The following POTEE variants were observed in gnomAD, a reference collection of about 807,000 sequenced individuals.
POTEE encodes ANKRD26-like family C member 1A.
In POTEE, 21 loss-of-function variants were observed where a neutral mutation model predicts 74.2. The ratio of observed to expected loss-of-function variants is 0.28; its 90% CI spans 0.20 to 0.41. The LOEUF (loss-of-function observed/expected upper bound fraction) is 0.41, where lower values mean the gene tolerates loss of function less well. Among genes scored for constraint, POTEE ranks in the 10% least tolerant of loss-of-function variants. The probability of loss-of-function intolerance (pLI) is 1.00; values close to 1 mark genes in which losing one functional copy is unlikely to be tolerated. For synonymous variants in POTEE, 211 were observed against 432.8 expected (o/e 0.49, Z 6.36); for missense variants, 525 against 1,158.6 (o/e 0.45, Z 7.94).
In POTEE at chr2:131,228,745, C is replaced by T. The variant is rs1446785909; in HGVS notation, c.1055+364C>T. 3.4e-5 allele frequency among the ~76,000 whole-genome samples: 5 copies of T among 147,166 alleles called. 1 individual carries two copies. The highest frequency in any genetic ancestry group is 4.2e-4 in the South Asian group (2 of 4,796). On this transcript the variant is annotated intron_variant, in intron 8 of 17. Coordinates refer to ENST00000683005, the MANE Select transcript of POTEE (RefSeq NM_001083538.3). ...AGTTTAGCGGAAAGTCTTGTACTGT[C>T]TTCTGGGGACTATGTCCTACATACT...
At chr2:131,262,029 C>T (rs1400332336) in intron 17 of POTEE, among the ~76,000 whole-genome samples, 183 bp downstream of exon 17, 809 of 106,860 alleles carry the variant, frequency 7.6e-3, no homozygotes, top group Non-Finnish European at 0.014. Flanking sequence ...CTTCATTTGC[C>T]TGCAACAGTT....
rs1233770297 is a variant in POTEE, at chr2:131,264,892, A to G, written c.*209A>G. Reference sequence around the variant, plus strand: ...TCCTCCAAAGTTCTACAATGTTGCCAAGGACTTTGATTGTACATTGTTCTT... The same window carrying G: ...TCCTCCAAAGTTCTACAATGTTGCCGAGGACTTTGATTGTACATTGTTCTT... On this transcript the variant is annotated 3_prime_UTR_variant, in exon 18 of 18. Coordinates refer to ENST00000683005, the MANE Select transcript of POTEE (RefSeq NM_001083538.3). 1.3e-5 allele frequency: 13 copies of G among 1,004,698 alleles called. No homozygotes were observed. Among genetic ancestry groups the G allele is most frequent in the Admixed American group, 5.6e-5 (2 of 35,764 alleles). 62.2% of individuals were successfully genotyped at this position (1,004,698 alleles called of 1,614,324 possible).
chr2:131,237,299 T>C (rs1362002534), intron 10 of POTEE, among the ~76,000 whole-genome samples: 8 of 151,822 alleles, frequency 5.3e-5, no homozygotes, highest in African/African-American at 1.9e-4. Flanking sequence ...TGGCCAGTGA[T>C]TGAAAATCTG....
At chr2:131,229,878 G>C (rs1049953463) in intron 8 of POTEE, among the ~76,000 whole-genome samples, 3 of 152,070 alleles carry the variant, frequency 2.0e-5, no homozygotes, top group East Asian at 3.9e-4. Flanking sequence ...TAACATGTTC[G>C]GTGCAAAATA....
In POTEE at chr2:131,258,817, CAT is replaced by C. The variant is rs1330799763; in HGVS notation, c.1779-2908_1779-2907del. ...TGGCTTTGTGTTTCTATGCAAATCT[CAT>C]GTCAAATTGTAATTCCCAGGTGTTG... On this transcript the variant is annotated intron_variant, in intron 16 of 17. Transcript: ENST00000683005. Among the ~76,000 whole-genome samples the C allele has an allele frequency of 8.3e-3, 201 of 24,084 alleles. 2 individuals are homozygous for C. The highest frequency in any genetic ancestry group is 0.027 in the African/African-American group (196 of 7,194). 15.8% of individuals were successfully genotyped at this position (24,084 alleles called of 152,430 possible). A position where few individuals can be genotyped will look rare whatever the true frequency, so the allele number is the denominator to read the frequency against.
chr2:131,219,749 A>C (rs1700558175), intron 4 of POTEE, among the ~76,000 whole-genome samples: 1 of 152,012 alleles, frequency 6.6e-6, no homozygotes, highest in Non-Finnish European at 1.5e-5. Context: ...AAAAAAAAAA[A>C]AAAGATGGGA....
intron 3 of POTEE, chr2:131,218,105 C>T (rs961550452): frequency 1.3e-5 from 7 of 535,266 alleles, no homozygotes; most frequent in African/African-American, 7.7e-5. Flanking sequence ...TTTGGCATTC[C>T]CTTGGGTGGG....
At chr2:131,257,188 GTC>G (rs1701602470) in intron 16 of POTEE, among the ~76,000 whole-genome samples, 1 of 96,758 alleles carries the variant, frequency 1.0e-5, no homozygotes, top group Admixed American at 1.1e-4. Flanking sequence ...TGCCGTATCT[GTC>G]TGTTGTTATT....
intron 9 of POTEE, among the ~76,000 whole-genome samples, chr2:131,235,233 G>A (rs1418722732): frequency 6.7e-6 from 1 of 149,198 alleles, no homozygotes; most frequent in Non-Finnish European, 1.5e-5. Flanking sequence ...TATTTTAATT[G>A]TTTTTAAACC....
At position 131,263,518 on chromosome 2, in the gene POTEE, A is replaced by G; in HGVS notation, c.2063A>G (p.Asp688Gly). 1.2e-6 allele frequency: 2 copies of G among 1,611,346 alleles called. No individual in the cohort carries two copies. Among genetic ancestry groups the G allele is most frequent in the East Asian group, 2.2e-5 (1 of 44,862 alleles). The change falls in exon 18 of 18, where the codon GAT becomes GGT. Residue 688 changes from aspartate to glycine, a missense_variant. Physicochemically the swap from Asp to Gly is moderately conservative, Grantham distance 94. Coordinates refer to ENST00000683005, the MANE Select transcript of POTEE (RefSeq NM_001083538.3). ...EDIESVKKKN[D>G]NLLKALQLNE... The stretch of plus-strand genomic sequence containing the variant: ...ATTGAAAGTGTGAAAAAAAAGAATG[A>G]TAATCTTTTAAAGGCTCTACAATTG...
chr2:131,226,738 A>C, intron 6 of POTEE, 85 bp from the exon 7 acceptor site: 4 of 1,597,798 alleles, frequency 2.5e-6, no homozygotes, highest in Non-Finnish European at 3.4e-6. Flanking sequence ...GTAAGTCCAT[A>C]AGATCTTACA....
At chr2:131,231,376 G>A (rs1416324140) in intron 9 of POTEE, among the ~76,000 whole-genome samples, 1 of 151,722 alleles carries the variant, frequency 6.6e-6, no homozygotes, top group Non-Finnish European at 1.5e-5. Flanking sequence ...TCCCTGGCTT[G>A]CCTGCTGCTC....
intron 1 of POTEE, among the ~76,000 whole-genome samples, chr2:131,210,469 G>A (rs1356576564): frequency 9.9e-5 from 15 of 151,618 alleles, no homozygotes; most frequent in Middle Eastern, 3.4e-3. Context: ...GGTGTTGGTC[G>A]GCTGCAGAGG....
intron 9 of POTEE, among the ~76,000 whole-genome samples, chr2:131,235,359 G>A (rs1265702565): frequency 6.6e-6 from 1 of 152,166 alleles, no homozygotes; most frequent in Admixed American, 6.5e-5. Flanking sequence ...CAGACATGTG[G>A]AGGAATAATG....
rs1301856264 is a variant in POTEE, at chr2:131,228,102, A to G, written c.918-142A>G. ...TTGGTGGCATTTTACAAAGATGAAC[A>G]CTTGAGCACTCAAGATGCTTATGTC... On this transcript the variant is annotated intron_variant, in intron 7 of 17. Coordinates refer to ENST00000683005, the MANE Select transcript of POTEE (RefSeq NM_001083538.3). The G allele has an allele frequency of 3.4e-5, 50 of 1,456,020 alleles. No individual in the cohort carries two copies. In the South Asian group the frequency reaches 6.3e-4, roughly 18 times the overall value. 90.2% of individuals were successfully genotyped at this position (1,456,020 alleles called of 1,614,324 possible). A position where few individuals can be genotyped will look rare whatever the true frequency, so the allele number is the denominator to read the frequency against.
At chr2:131,220,403 A>C (rs958045319) in intron 4 of POTEE, among the ~76,000 whole-genome samples, 20 of 151,884 alleles carry the variant, frequency 1.3e-4, no homozygotes, top group Admixed American at 2.6e-4. Flanking sequence ...ATGGGGTTTC[A>C]CCATCTTGGC....
At chr2:131,215,419 A>G (rs1700427069) in intron 2 of POTEE, among the ~76,000 whole-genome samples, 2 of 152,236 alleles carry the variant, frequency 1.3e-5, no homozygotes, top group East Asian at 3.9e-4. Context: ...TGTGTGACTC[A>G]TGAGAGAGGG....
intron 2 of POTEE, among the ~76,000 whole-genome samples, chr2:131,212,812 T>C (rs1700385468): frequency 6.6e-6 from 1 of 150,414 alleles, no homozygotes; most frequent in Non-Finnish European, 1.5e-5. Context: ...GATCCACCTG[T>C]CTCAGCTTCC....
At chr2:131,260,573 G>A (rs1248772380) in intron 16 of POTEE, among the ~76,000 whole-genome samples, 1 of 149,304 alleles carries the variant, frequency 6.7e-6, no homozygotes, top group African/African-American at 2.6e-5. Context: ...ACCTTTTTGA[G>A]CCACTGTAAA....
Sources: gnomAD v4.1 joint callset for allele counts (sites outside exome capture counted in the v4.1 genomes callset) on GRCh38, gnomAD v4.1.1 for gene constraint, MANE v1.5 for transcripts, NCBI Gene and HGNC (gene_info 2026-07-23, HGNC 2026-07-21) for gene names.